The following WDR1 variants were observed in gnomAD, a reference collection of about 807,000 sequenced individuals.
WDR1 encodes WD repeat domain 1, also known as WD repeat-containing protein 1.
In WDR1, 21 loss-of-function variants were observed where a neutral mutation model predicts 71.9. That is an observed-to-expected ratio of 0.29 (90% CI 0.21 to 0.42). The LOEUF is 0.42. Among genes scored for constraint, WDR1 ranks in the 10% least tolerant of loss-of-function variants. WDR1 has a pLI of 1.00. For synonymous variants in WDR1, 424 were observed against 347.4 expected (o/e 1.22, Z -2.45); for missense variants, 696 against 824.5 (o/e 0.84, Z 1.91).
At chr4:10,094,711 GA>G (rs905400524) in intron 5 of WDR1, 2 of 152,210 alleles carry the variant, frequency 1.3e-5, no homozygotes, top group African/African-American at 4.8e-5. Context: ...GGGTAGGAAT[GA>G]GCCGGCACCC....
rs770970599 is a variant in WDR1, at chr4:10,087,924, T to G, written c.734A>C (p.Asp245Ala). 2 of 1,555,176 alleles carry G rather than the reference T, an allele frequency of 1.3e-6. No individual in the cohort carries two copies. ...GGIYAISWSP[D>A]STHLLSASGD... is the part of the protein sequence containing the mutation. ...AGAAGCAGAAAGCAAATGGGTGCTG[T>G]CGGGACTCCAACTAATCTATTCAGA... Residue 245 changes from aspartate to alanine, a missense_variant, in exon 8 of 15, where the codon GAC (aspartate) becomes GCC (alanine). Physicochemically the swap from Asp to Ala is moderately radical, Grantham distance 126 (BLOSUM62 -2). Coordinates refer to ENST00000499869, the MANE Select transcript of WDR1 (RefSeq NM_017491.5).
chr4:10,110,867 T>C lies in WDR1; in HGVS notation c.138+5246A>G, dbSNP rs117849173. On this transcript the variant is annotated intron_variant, in intron 2 of 14. Transcript: ENST00000499869. ...AGTGGCACAAAAATGTCTGCAAACG[T>C]TGCCAGATATCCCTCAGGGGAATGA... Among the ~76,000 whole-genome samples the C allele has an allele frequency of 7.3e-4, 111 of 152,342 alleles. 2 individuals carry two copies. The East Asian group carries it at 0.02, about 27-fold the overall frequency.
At chr4:10,112,377 T>C (rs775568309) in intron 2 of WDR1, among the ~76,000 whole-genome samples, 1 of 152,198 alleles carries the variant, frequency 6.6e-6, no homozygotes, top group Non-Finnish European at 1.5e-5. Context: ...AAACACAGTG[T>C]ACATATGGTT....
intron 2 of WDR1, among the ~76,000 whole-genome samples, chr4:10,108,955 G>T (rs907250136): frequency 1.4e-4 from 22 of 152,350 alleles, no homozygotes; most frequent in African/African-American, 4.3e-4. Context: ...ACACCAGAGT[G>T]GGGAAGGTTC....
At chr4:10,090,032 T>G (rs965389007) in intron 5 of WDR1, among the ~76,000 whole-genome samples, 1 of 152,158 alleles carries the variant, frequency 6.6e-6, no homozygotes, top group Non-Finnish European at 1.5e-5. Context: ...GATACAGAGT[T>G]GGGGTGAAGC....
In WDR1 at chr4:10,103,285, CACA is replaced by C. The variant is rs1560543112; in HGVS notation, c.229+608_229+610del. On this transcript the variant is annotated intron_variant, in intron 3 of 14. Coordinates refer to ENST00000499869, the MANE Select transcript of WDR1 (RefSeq NM_017491.5). ...TCACACATACACACACACACACACA[CACA>C]GACACACACACACACACACACACAC... Among the ~76,000 whole-genome samples, 5 of 28,266 alleles carry C rather than the reference CACA, an allele frequency of 1.8e-4. No homozygotes were observed. In the Admixed American group the frequency reaches 2.2e-3, roughly 12 times the overall value. The allele number at this position is 28,266 out of a possible 152,430, so 18.5% of individuals were successfully genotyped here. A position where few individuals can be genotyped will look rare whatever the true frequency, so the allele number is the denominator to read the frequency against.
At position 10,099,152 on chromosome 4, in the gene WDR1, G is replaced by GCGGGC; in HGVS notation, c.230-18_230-14dup. 1 of 1,596,638 alleles carries GCGGGC rather than the reference G, an allele frequency of 6.3e-7. No homozygotes were observed. The highest frequency in any genetic ancestry group is 8.6e-7 in the Non-Finnish European group (1 of 1,169,056). On this transcript the variant is annotated splice_polypyrimidine_tract_variant and intron_variant, in intron 3 of 14. Coordinates refer to ENST00000499869, the MANE Select transcript of WDR1 (RefSeq NM_017491.5). ...TTCCCAGACACATCTGTGGGGCACA[G>GCGGGC]CGGGCGGGGGAGGGGGGGAGGCGGT...
chr4:10,079,795 C>T (rs534328665), intron 11 of WDR1, among the ~76,000 whole-genome samples: 1 of 152,296 alleles, frequency 6.6e-6, no homozygotes, highest in African/African-American at 2.4e-5. Flanking sequence ...GGTAGCAGCA[C>T]CCTGACTAAA....
chr4:10,116,741 C>T lies in WDR1; in HGVS notation c.-75G>A, dbSNP rs1378906469. 2 of 1,273,210 alleles carry T rather than the reference C, an allele frequency of 1.6e-6. No homozygotes were observed. The highest frequency in any genetic ancestry group is 2.0e-6 in the Non-Finnish European group (2 of 1,007,496). The allele number at this position is 1,273,210 out of a possible 1,614,324, so 78.9% of individuals were successfully genotyped here. On this transcript the variant is annotated 5_prime_UTR_variant, in exon 1 of 15. Coordinates refer to ENST00000499869, the MANE Select transcript of WDR1 (RefSeq NM_017491.5). ...GCCCGCGCTGCGAATTACACCTCGC[C>T]GAGGCCGAGCCCGGGGACTGGAGCC...
chr4:10,078,088 G>T (rs889207131), intron 12 of WDR1, among the ~76,000 whole-genome samples, 162 bp from the exon 13 acceptor site: 2 of 152,230 alleles, frequency 1.3e-5, no homozygotes, highest in Non-Finnish European at 2.9e-5. Context: ...CCCGTGGATG[G>T]GCCTGAAACC....
At chr4:10,116,595 G>A in intron 1 of WDR1, 56 bp downstream of exon 1, 2 of 1,158,182 alleles carry the variant, frequency 1.7e-6, no homozygotes, top group Non-Finnish European at 1.1e-6. Flanking sequence ...AGGGGCCGGG[G>A]ACCGGGGCCG....
rs1380377266 is a variant in WDR1, at chr4:10,087,916, G to A, written c.742C>T (p.His248Tyr). Reference protein sequence around the residue: ...YAISWSPDSTHLLSASGDKTS... With the variant: ...YAISWSPDSTYLLSASGDKTS... The stretch of plus-strand genomic sequence containing the variant: ...TTGTCCCCAGAAGCAGAAAGCAAAT[G>A]GGTGCTGTCGGGACTCCAACTAATC... The change falls in exon 8 of 15, where the codon CAT becomes TAT. Residue 248 changes from histidine (H) to tyrosine (Y), a missense_variant. Transcript: ENST00000499869. The A allele has an allele frequency of 1.3e-6, 2 of 1,556,344 alleles. No individual in the cohort carries two copies. Among genetic ancestry groups the A allele is most frequent in the Non-Finnish European group, 1.7e-6 (2 of 1,149,232 alleles).
intron 12 of WDR1, 131 bp from the exon 13 acceptor site, chr4:10,078,057 C>T: frequency 8.5e-7 from 1 of 1,182,266 alleles, no homozygotes; most frequent in Non-Finnish European, 1.2e-6. Flanking sequence ...GGGCCCATGC[C>T]AGGAGCTGGG....
intron 2 of WDR1, among the ~76,000 whole-genome samples, chr4:10,109,347 A>G (rs1462561885): frequency 6.6e-6 from 1 of 152,244 alleles, no homozygotes; most frequent in Non-Finnish European, 1.5e-5. Context: ...ATCCCAGGTC[A>G]CGTCACTGCA....
chr4:10,099,379 T>C (rs1229384425), intron 3 of WDR1, among the ~76,000 whole-genome samples: 1 of 152,260 alleles, frequency 6.6e-6, no homozygotes, highest in Non-Finnish European at 1.5e-5. Context: ...TTTGGGCCTC[T>C]GCATTTTGCC....
At chr4:10,079,150 C>G in intron 11 of WDR1, 149 bp from the exon 12 acceptor site, 2 of 602,084 alleles carry the variant, frequency 3.3e-6, no homozygotes, top group Non-Finnish European at 5.8e-6. Context: ...GGGCTCTGAG[C>G]CACACCACCT....
chr4:10,081,238 A>C, intron 11 of WDR1, 119 bp downstream of exon 11: 1 of 851,654 alleles, frequency 1.2e-6, no homozygotes, highest in Non-Finnish European at 1.9e-6. Flanking sequence ...GTGCAGTGCA[A>C]ATGAGCACTC....
At chr4:10,078,859 CAGAG>C in intron 12 of WDR1, 28 bp downstream of exon 12, 4 of 1,581,940 alleles carry the variant, frequency 2.5e-6, no homozygotes, top group Non-Finnish European at 3.5e-6. Context: ...ATACCAAGGA[CAGAG>C]AGCACGGGGG....
rs1156806354 is a variant in WDR1 at position 10,116,152 on chromosome 4, C to T, written c.99G>A (p.Leu33=). The T allele has an allele frequency of 1.2e-6, 2 of 1,613,640 alleles. No individual in the cohort carries two copies. Among genetic ancestry groups the T allele is most frequent in the Admixed American group, 3.3e-5 (2 of 59,992 alleles). ...IGGDPKGNNF[L]YTNGKCVILR... is the part of the protein sequence containing the mutation. ...GGATGACGCACTTTCCATTGGTGTA[C>T]AGAAAATTGTTGCCCTTAGGGTCGC... The change falls in exon 2 of 15, where the codon CTG becomes CTA. Residue 33 remains leucine, a synonymous_variant. Coordinates refer to ENST00000499869, the MANE Select transcript of WDR1 (RefSeq NM_017491.5).
Sources: gnomAD v4.1 joint callset for allele counts (sites outside exome capture counted in the v4.1 genomes callset) on GRCh38, gnomAD v4.1.1 for gene constraint, MANE v1.5 for transcripts, NCBI Gene and HGNC (gene_info 2026-07-23, HGNC 2026-07-21) for gene names.